Variants in AGAP1 observed in about 807,000 individuals in gnomAD.
AGAP1 encodes the protein arf-GAP with GTPase, ANK repeat and PH domain-containing protein 1.
Under a neutral mutation model 105.3 loss-of-function variants are expected in AGAP1, and 29 were observed. The observed-to-expected ratio is 0.28, with a 90% CI of 0.21 to 0.38. The LOEUF is 0.38. Among genes scored for constraint, AGAP1 ranks in the 10% least tolerant of loss-of-function variants. AGAP1 has a pLI of 1.00. For synonymous variants in AGAP1, 509 were observed against 485.9 expected (o/e 1.05, Z -0.63); for missense variants, 998 against 1,165.1 (o/e 0.86, Z 2.09).
intron 6 of AGAP1, among the ~76,000 whole-genome samples, chr2:235,783,607 C>G (rs1248278816): frequency 6.6e-6 from 1 of 152,162 alleles, no homozygotes; most frequent in Non-Finnish European, 1.5e-5. Flanking sequence ...AAACATTATG[C>G]TCTGTGGAAA....
intron 9 of AGAP1, among the ~76,000 whole-genome samples, chr2:235,863,982 C>T (rs1296696560): frequency 6.6e-6 from 1 of 152,192 alleles, no homozygotes; most frequent in South Asian, 2.1e-4. Context: ...AAGGACAAAT[C>T]TTTTATGCGG....
intron 9 of AGAP1, among the ~76,000 whole-genome samples, chr2:235,854,434 G>A (rs2048600404): frequency 1.3e-5 from 2 of 152,206 alleles, no homozygotes; most frequent in African/African-American, 4.8e-5. Context: ...GCATGAGATG[G>A]GCCACTCCTG....
At chr2:235,770,599 C>A (rs1401093700) in intron 6 of AGAP1, among the ~76,000 whole-genome samples, 1 of 152,182 alleles carries the variant, frequency 6.6e-6, no homozygotes, top group African/African-American at 2.4e-5. Flanking sequence ...ATCATAAAAT[C>A]TCCTAAAGTA....
At position 235,872,131 on chromosome 2, in the gene AGAP1, C is replaced by T. The variant is rs372437419; in HGVS notation, c.1051-11214C>T. 6.6e-6 allele frequency among the ~76,000 whole-genome samples: 1 copy of T among 152,142 alleles called. No homozygotes were observed. Among genetic ancestry groups the T allele is most frequent in the African/African-American group, 2.4e-5 (1 of 41,410 alleles). ...TGGAACCCAGTTAAAGGTGTCATAT[C>T]AATTCCTGTCCATGAAATGAGGATA... On this transcript the variant is annotated intron_variant, in intron 9 of 17. Coordinates refer to ENST00000304032, the MANE Select transcript of AGAP1 (RefSeq NM_001037131.3). The surrounding 1 kb of genome is among the most constrained non-coding windows in gnomAD (Gnocchi z 4.5).
chr2:235,687,093 G>A (rs1469723141), intron 1 of AGAP1, among the ~76,000 whole-genome samples: 2 of 152,090 alleles, frequency 1.3e-5, no homozygotes, highest in South Asian at 2.1e-4. Flanking sequence ...TCAGGTGGGC[G>A]GGAGCTGATA....
intron 16 of AGAP1, among the ~76,000 whole-genome samples, chr2:236,102,459 A>AG (rs2059379346): frequency 6.7e-6 from 1 of 148,256 alleles, no homozygotes; most frequent in East Asian, 2.0e-4. Flanking sequence ...GTGGTGGCTC[A>AG]TGCCTGTAAT....
Position 235,610,483 on chromosome 2 carries a change from C to T in AGAP1, c.164-98696C>T, listed in dbSNP as rs774918884. Among the ~76,000 whole-genome samples, 5 of 152,164 alleles carry T rather than the reference C, an allele frequency of 3.3e-5. No homozygotes were observed. Among genetic ancestry groups the T allele is most frequent in the South Asian group, 2.1e-4 (1 of 4,826 alleles). On this transcript the variant is annotated intron_variant, in intron 1 of 17. Transcript: ENST00000304032. The surrounding 1 kb of genome is among the most constrained non-coding windows in gnomAD (Gnocchi z 4.9). ...GATGTCTGCCTTCTTGCTATCCTCACGTGGTGCAGAGCATGCCAGCTCTCT... is the reference window on the plus strand; with the variant it reads ...GATGTCTGCCTTCTTGCTATCCTCATGTGGTGCAGAGCATGCCAGCTCTCT...
intron 10 of AGAP1, among the ~76,000 whole-genome samples, chr2:235,886,199 G>A (rs1013121534): frequency 1.3e-5 from 2 of 152,258 alleles, no homozygotes; most frequent in African/African-American, 4.8e-5. Context: ...CTGTCAGAGA[G>A]CAGAGGTCTA....
chr2:235,613,369 C>A (rs1946202588), intron 1 of AGAP1, among the ~76,000 whole-genome samples: 1 of 152,176 alleles, frequency 6.6e-6, no homozygotes, highest in African/African-American at 2.4e-5. Context: ...AATTTGGCAG[C>A]TTATTTGATA....
At chr2:235,634,732 T>C (rs1299099451) in intron 1 of AGAP1, among the ~76,000 whole-genome samples, 2 of 152,254 alleles carry the variant, frequency 1.3e-5, no homozygotes, top group East Asian at 3.8e-4. Context: ...TGTTCTTGCT[T>C]TAGTTTGAAA....
Position 235,919,635 on chromosome 2 carries a change from G to A in AGAP1, c.1324+10729G>A, listed in dbSNP as rs752511569. 6.6e-5 allele frequency among the ~76,000 whole-genome samples: 10 copies of A among 151,978 alleles called. No homozygotes were observed. Among genetic ancestry groups the A allele is most frequent in the Non-Finnish European group, 1.0e-4 (7 of 67,882 alleles). ...GGCCACCTGCTCCTGGAAGGGGACT[G>A]TAAAATTCAGAGATGACCGGGGAAC... On this transcript the variant is annotated intron_variant, in intron 11 of 17. Transcript: ENST00000304032. The surrounding 1 kb of genome is among the most constrained non-coding windows in gnomAD (Gnocchi z 4.1).
intron 1 of AGAP1, among the ~76,000 whole-genome samples, chr2:235,526,587 G>T (rs1006346953): frequency 6.6e-6 from 1 of 152,174 alleles, no homozygotes; most frequent in Non-Finnish European, 1.5e-5. Context: ...AAGTTAGGGT[G>T]ACAAGGAATG....
intron 12 of AGAP1, among the ~76,000 whole-genome samples, chr2:235,949,238 A>G (rs567354866): frequency 3.3e-5 from 5 of 152,328 alleles, no homozygotes; most frequent in Admixed American, 2.6e-4. Flanking sequence ...TCCATTGAGC[A>G]TTGCCTTTTA....
At position 236,105,504 on chromosome 2, in the gene AGAP1, G is replaced by A. The variant is rs1341233674; in HGVS notation, c.2115-14688G>A. 1.3e-5 allele frequency among the ~76,000 whole-genome samples: 2 copies of A among 150,768 alleles called. No homozygotes were observed. The highest frequency in any genetic ancestry group is 2.4e-5 in the African/African-American group (1 of 40,932). On this transcript the variant is annotated intron_variant, in intron 16 of 17. Coordinates refer to ENST00000304032, the MANE Select transcript of AGAP1 (RefSeq NM_001037131.3). The surrounding 1 kb of genome is among the most constrained non-coding windows in gnomAD (Gnocchi z 4.2). The stretch of plus-strand genomic sequence containing the variant: ...CCTGGCTTATAGACAGATGCCTCTT[G>A]CAGTGTCCTCATGTGGAGGAGAGAG...
At chr2:235,876,893 T>G (rs1004278641) in intron 9 of AGAP1, among the ~76,000 whole-genome samples, 9 of 149,802 alleles carry the variant, frequency 6.0e-5, no homozygotes, top group South Asian at 2.1e-4. Context: ...TGTTGCCCAG[T>G]CTGGAGTGCA....
intron 1 of AGAP1, among the ~76,000 whole-genome samples, chr2:235,504,158 T>C (rs1241517214): frequency 1.3e-5 from 2 of 152,178 alleles, no homozygotes; most frequent in Non-Finnish European, 1.5e-5. Flanking sequence ...TCTCTTTTTT[T>C]TTTGACACAT....
chr2:235,686,218 C>T (rs1406194245), intron 1 of AGAP1, among the ~76,000 whole-genome samples: 2 of 152,082 alleles, frequency 1.3e-5, no homozygotes, highest in Admixed American at 1.3e-4. Context: ...ATAGACTAAG[C>T]CTCCTGCTGT....
rs1428818425 is a variant in AGAP1, at chr2:236,058,838, T to C, written c.2114+9557T>C. The stretch of plus-strand genomic sequence containing the variant: ...AATCCTAAGGAACCCATAAGAAACA[T>C]GTTAAGCAAAATTGAAGGATACAAG... On this transcript the variant is annotated intron_variant, in intron 16 of 17. Transcript: ENST00000304032. The surrounding 1 kb of genome is among the most constrained non-coding windows in gnomAD (Gnocchi z 4.6). Among the ~76,000 whole-genome samples the C allele has an allele frequency of 1.3e-5, 2 of 152,186 alleles. No homozygotes were observed. The highest frequency in any genetic ancestry group is 2.9e-5 in the Non-Finnish European group (2 of 68,036).
chr2:235,680,716 G>GAGCT (rs113205023), intron 1 of AGAP1, among the ~76,000 whole-genome samples: 2,643 of 152,210 alleles, frequency 0.017, 70 homozygotes, highest in African/African-American at 0.059. Flanking sequence ...TCTCCTGCCT[G>GAGCT]AGCTTCTCCT....
Sources: gnomAD v4.1 joint callset for allele counts (sites outside exome capture counted in the v4.1 genomes callset) on GRCh38, gnomAD v4.1.1 for gene constraint, Gnocchi (gnomAD v3.1) non-coding constraint, MANE v1.5 for transcripts, NCBI Gene and HGNC (gene_info 2026-07-23, HGNC 2026-07-21) for gene names.